Variants in LYPD8 observed in about 807,000 individuals in gnomAD.
The protein encoded by LYPD8 is LY6/PLAUR domain containing 8.
A neutral mutation model predicts 1.7 loss-of-function variants in LYPD8; 8 were observed. That is an observed-to-expected ratio of 4.58 (90% confidence interval 2.69 to 8.27). LYPD8 has a LOEUF of 8.27. LYPD8 is among the 30% of genes most tolerant of loss of function. The probability of loss-of-function intolerance (pLI) is 0.00; values close to 1 mark genes in which losing one functional copy is unlikely to be tolerated. For missense variants in LYPD8, 112 were observed against 102.3 expected (o/e 1.09, Z -0.41); for synonymous variants, 50 against 43.6 (o/e 1.15, Z -0.58).
Position 248,748,376 on chromosome 1 carries a change from T to G in LYPD8, c.250A>C (p.Thr84Pro). 2.2e-6 allele frequency: 1 copy of G among 450,930 alleles called. No homozygotes were observed. The highest frequency in any genetic ancestry group is 3.9e-6 in the Non-Finnish European group (1 of 258,600). The allele number at this position is 450,930 out of a possible 1,614,324, so 27.9% of individuals were successfully genotyped here. A position where few individuals can be genotyped will look rare whatever the true frequency, so the allele number is the denominator to read the frequency against. The part of the protein sequence containing the change: ...CSEETHITAF[T>P]VHVSAEEHFH... ...TGTTCTTCAGCAGACACGTGGACAG[T>G]GAAGGCTGTAATGTGTGTCTCCTCA... The change falls in exon 5 of 7, where the codon ACT (threonine) becomes CCT (proline). Residue 84 changes from threonine (T) to proline (P), a missense_variant. Physicochemically the swap from Thr to Pro is conservative, Grantham distance 38 (BLOSUM62 -1). Transcript: ENST00000590317.
chr1:248,746,620 G>C (rs1312090902), intron 5 of LYPD8, among the ~76,000 whole-genome samples: 1 of 125,866 alleles, frequency 7.9e-6, no homozygotes, highest in African/African-American at 3.0e-5. Context: ...GGCATCCCCC[G>C]CACGGCCAGC....
At chr1:248,753,177 CA>C (rs1662852391) in intron 2 of LYPD8, among the ~76,000 whole-genome samples, 1 of 104,366 alleles carries the variant, frequency 9.6e-6, no homozygotes, top group African/African-American at 3.8e-5. Context: ...CACACCACAT[CA>C]CACACACACA....
intron 6 of LYPD8, among the ~76,000 whole-genome samples, chr1:248,742,437 T>C (rs1182670139): frequency 5.3e-5 from 1 of 19,032 alleles, no homozygotes; most frequent in Admixed American, 5.6e-4. Context: ...GGGGAGATTA[T>C]GCTCTGGTGG....
chr1:248,744,521 C>T (rs1169120941), intron 6 of LYPD8, among the ~76,000 whole-genome samples: 7 of 151,288 alleles, frequency 4.6e-5, no homozygotes, highest in Non-Finnish European at 1.0e-4. Context: ...TGGGTAGCGT[C>T]AAATGTGGAT....
At chr1:248,753,683 A>G (rs1261405211) in intron 2 of LYPD8, among the ~76,000 whole-genome samples, 3 of 136,830 alleles carry the variant, frequency 2.2e-5, no homozygotes, top group East Asian at 4.8e-4. Context: ...CACACACACC[A>G]CATCACACAC....
chr1:248,741,050 C>G (rs1271032827), intron 6 of LYPD8, among the ~76,000 whole-genome samples: 2 of 152,156 alleles, frequency 1.3e-5, no homozygotes, highest in Non-Finnish European at 2.9e-5. Flanking sequence ...GAGTTCGAGG[C>G]AGCAGTGAGT....
At chr1:248,741,566 TA>T (rs797039453) in intron 6 of LYPD8, among the ~76,000 whole-genome samples, 1 of 152,070 alleles carries the variant, frequency 6.6e-6, no homozygotes, top group African/African-American at 2.4e-5. Context: ...TCTACTGTAT[TA>T]AAAAAAGTGA....
In LYPD8 at chr1:248,745,129, C is replaced by T; in HGVS notation, c.475+13G>A. The T allele has an allele frequency of 2.5e-6, 1 of 398,550 alleles. No individual in the cohort carries two copies. Among genetic ancestry groups the T allele is most frequent in the Non-Finnish European group, 4.4e-6 (1 of 226,034 alleles). 24.7% of individuals were successfully genotyped at this position (398,550 alleles called of 1,614,324 possible). On this transcript the variant is annotated intron_variant, in intron 6 of 6. Coordinates refer to ENST00000590317, the MANE Select transcript of LYPD8 (RefSeq NM_001085474.2). ...CCCAAGTCCCATAGAGGAATTAGAACTCCAAGACTTACCATTCTTAAGTTC... is the reference window on the plus strand; with the variant it reads ...CCCAAGTCCCATAGAGGAATTAGAATTCCAAGACTTACCATTCTTAAGTTC...
At position 248,739,787 on chromosome 1, in the gene LYPD8, A is replaced by C; in HGVS notation, c.538T>G (p.Phe180Val). 2.6e-6 allele frequency: 4 copies of C among 1,551,706 alleles called. No individual in the cohort carries two copies. Among genetic ancestry groups the C allele is most frequent in the Non-Finnish European group, 2.6e-6 (3 of 1,146,950 alleles). The change falls in exon 7 of 7, where the codon TTC becomes GTC. Residue 180 changes from phenylalanine (F) to valine (V), a missense_variant. Transcript: ENST00000590317. This position sits in a 1 kb window ranked among gnomAD's most constrained non-coding sequence, Gnocchi z 4.3. ...CSNVSNATCQ[F>V]LSGENKTLGG... ...AGAGTCTTGTTTTCACCAGACAGGAACTGACAGGTGGCGTTACTGACGTTG... is the reference window on the plus strand; with the variant it reads ...AGAGTCTTGTTTTCACCAGACAGGACCTGACAGGTGGCGTTACTGACGTTG...
At chr1:248,753,287 ACACAC>A (rs1662858759) in intron 2 of LYPD8, among the ~76,000 whole-genome samples, 1 of 107,688 alleles carries the variant, frequency 9.3e-6, no homozygotes, top group Non-Finnish European at 1.8e-5. Context: ...CACAACACAC[ACACAC>A]CACACACACC....
intron 4 of LYPD8, among the ~76,000 whole-genome samples, chr1:248,748,832 A>T (rs1289699590): frequency 5.3e-5 from 8 of 152,168 alleles, no homozygotes; most frequent in Admixed American, 3.9e-4. Flanking sequence ...TAAAAATTGA[A>T]CCTGAATCCA....
intron 6 of LYPD8, among the ~76,000 whole-genome samples, chr1:248,743,488 G>T (rs73148528): frequency 6.6e-6 from 1 of 152,058 alleles, no homozygotes; most frequent in Non-Finnish European, 1.5e-5. Flanking sequence ...GACAACAACC[G>T]AAATAAGAGG....
intron 4 of LYPD8, 141 bp downstream of exon 4, chr1:248,750,383 C>T (rs1219329267): frequency 5.1e-6 from 2 of 394,098 alleles, no homozygotes; most frequent in Non-Finnish European, 8.9e-6. Flanking sequence ...CGTTGTTTCT[C>T]CTGGGAGTCA....
intron 6 of LYPD8, among the ~76,000 whole-genome samples, chr1:248,743,050 GT>G (rs1662645306): frequency 6.6e-6 from 1 of 151,476 alleles, no homozygotes; most frequent in African/African-American, 2.4e-5. Flanking sequence ...TGGTGGGGAT[GT>G]TGGCAGCGGG....
intron 5 of LYPD8, among the ~76,000 whole-genome samples, chr1:248,746,709 G>C (rs1318319479): frequency 3.0e-4 from 3 of 10,014 alleles, no homozygotes; most frequent in Non-Finnish European, 4.9e-4. Flanking sequence ...CCAGGGCATC[G>C]CCCGCACGGC....
chr1:248,753,070 C>A (rs1245842160), intron 2 of LYPD8, among the ~76,000 whole-genome samples: 1 of 117,630 alleles, frequency 8.5e-6, no homozygotes, highest in Admixed American at 8.2e-5. Flanking sequence ...CCACACACCC[C>A]ACACACCCCA....
chr1:248,750,232 G>A (rs1234491456), intron 4 of LYPD8, among the ~76,000 whole-genome samples: 1 of 152,192 alleles, frequency 6.6e-6, no homozygotes, highest in Non-Finnish European at 1.5e-5. Context: ...ATTTAACTAA[G>A]AGCTGTCCTT....
intron 3 of LYPD8, 117 bp downstream of exon 3, chr1:248,750,913 G>A: frequency 2.5e-6 from 1 of 398,400 alleles, no homozygotes; most frequent in Non-Finnish European, 4.4e-6. Flanking sequence ...AGGTCTCATG[G>A]TCATCCCTGA....
Position 248,739,902 on chromosome 1 carries a change from C to T in LYPD8, c.476-53G>A, listed in dbSNP as rs1662558224. On this transcript the variant is annotated intron_variant, in intron 6 of 6. Transcript: ENST00000590317. The surrounding 1 kb of genome is among the most constrained non-coding windows in gnomAD (Gnocchi z 4.3). Reference sequence around the variant, plus strand: ...CGCCACTCAGTCCTTTGTCCTTCCACCCACGCCTGCTCTTAGTTCTTCACC... The same window carrying T: ...CGCCACTCAGTCCTTTGTCCTTCCATCCACGCCTGCTCTTAGTTCTTCACC... 1.3e-6 allele frequency: 2 copies of T among 1,545,446 alleles called. No homozygotes were observed. Among genetic ancestry groups the T allele is most frequent in the Admixed American group, 3.9e-5 (2 of 50,888 alleles).
Sources: allele counts gnomAD v4.1 joint callset (sites outside exome capture counted in the v4.1 genomes callset), GRCh38; gene constraint gnomAD v4.1.1; non-coding constraint Gnocchi (gnomAD v3.1); transcripts MANE v1.5; gene names NCBI Gene and HGNC (gene_info 2026-07-23, HGNC 2026-07-21).